Variants in NUDT3 observed in about 807,000 individuals in gnomAD.
NUDT3 encodes nudix hydrolase 3, also known as diphosphoinositol polyphosphate phosphohydrolase 1.
A neutral mutation model predicts 23.6 loss-of-function variants in NUDT3; 9 were observed. The observed-to-expected ratio is 0.38, with a 90% CI of 0.23 to 0.66. The LOEUF is 0.66. Among genes scored for constraint, NUDT3 ranks in the 30% least tolerant of loss-of-function variants. NUDT3 has a pLI of 0.52. For missense variants in NUDT3, 172 were observed against 218.5 expected (o/e 0.79, Z 1.34); for synonymous variants, 86 against 82.6 (o/e 1.04, Z -0.22).
At chr6:34,327,018 AC>A (rs1315491647) in intron 2 of NUDT3, among the ~76,000 whole-genome samples, 1 of 152,064 alleles carries the variant, frequency 6.6e-6, no homozygotes, top group Non-Finnish European at 1.5e-5. Flanking sequence ...GACTACTACC[AC>A]CAAGACGCGG....
chr6:34,310,604 G>A (rs943059810), intron 2 of NUDT3, among the ~76,000 whole-genome samples: 2 of 152,072 alleles, frequency 1.3e-5, no homozygotes, highest in Admixed American at 6.6e-5. Flanking sequence ...GCCCAGATGG[G>A]CCACTGGTGA....
intron 1 of NUDT3, among the ~76,000 whole-genome samples, chr6:34,377,816 G>C (rs1240848944): frequency 2.6e-4 from 38 of 146,412 alleles, no homozygotes; most frequent in Admixed American, 2.5e-3. Flanking sequence ...CTGGGTGACA[G>C]AGGGAGACTC....
rs955166373 is a variant in NUDT3 at position 34,281,965 on chromosome 6, G to A, written c.*6788C>T. On this transcript the variant is annotated 3_prime_UTR_variant, in exon 5 of 5. Coordinates refer to ENST00000607016, the MANE Select transcript of NUDT3 (RefSeq NM_006703.4). ...CCCTCCAAGTCTCCTTTTTACTTCA[G>A]CACTTTGGAAACTCTCCAAGACTTA... The A allele has an allele frequency of 2.0e-5, 3 of 152,136 alleles. No individual in the cohort carries two copies. Among genetic ancestry groups the A allele is most frequent in the Non-Finnish European group, 4.4e-5 (3 of 68,040 alleles). The allele number at this position is 152,136 out of a possible 1,614,324, so 9.4% of individuals were successfully genotyped here.
chr6:34,307,806 C>T (rs1377093222), intron 2 of NUDT3, among the ~76,000 whole-genome samples: 1 of 151,880 alleles, frequency 6.6e-6, no homozygotes, highest in Non-Finnish European at 1.5e-5. Context: ...CTTTAAACAT[C>T]AATGGTCTAA....
At chr6:34,315,458 C>T (rs942446007) in intron 2 of NUDT3, among the ~76,000 whole-genome samples, 31 of 152,312 alleles carry the variant, frequency 2.0e-4, no homozygotes, top group Middle Eastern at 3.4e-3. Flanking sequence ...TCTCAATCTG[C>T]TAAATGACAT....
At chr6:34,292,864 C>T (rs1763444793) in intron 4 of NUDT3, among the ~76,000 whole-genome samples, 1 of 152,168 alleles carries the variant, frequency 6.6e-6, no homozygotes, top group African/African-American at 2.4e-5. Context: ...AGAAGTATAG[C>T]CCTTTTGGCA....
At chr6:34,356,173 A>C (rs1022217973) in intron 1 of NUDT3, among the ~76,000 whole-genome samples, 16 of 152,200 alleles carry the variant, frequency 1.1e-4, no homozygotes, top group African/African-American at 3.9e-4. Context: ...GCCTGAGGTA[A>C]TAGGTACCCC....
intron 1 of NUDT3, among the ~76,000 whole-genome samples, chr6:34,359,412 T>C (rs1342927961): frequency 6.6e-6 from 1 of 152,040 alleles, no homozygotes; most frequent in Non-Finnish European, 1.5e-5. Flanking sequence ...CATACCTATT[T>C]AGCAGTTATT....
chr6:34,281,771 GC>G lies in NUDT3; in HGVS notation c.*6981del, dbSNP rs973649368. The G allele has an allele frequency of 2.6e-5, 4 of 152,200 alleles. No individual in the cohort carries two copies. Among genetic ancestry groups the G allele is most frequent in the Non-Finnish European group, 4.4e-5 (3 of 68,038 alleles). The allele number at this position is 152,200 out of a possible 1,614,324, so 9.4% of individuals were successfully genotyped here. ...TCAGAGGCTAAACAACATTCTGGGA[GC>G]AAATTGGATTTTTGAAGGGAGAGTC... On this transcript the variant is annotated 3_prime_UTR_variant, in exon 5 of 5. Transcript: ENST00000607016.
chr6:34,280,200 TC>T lies in NUDT3; in HGVS notation c.*8552del, dbSNP rs1369091161. The T allele has an allele frequency of 6.6e-6, 1 of 152,186 alleles. No homozygotes were observed. Among genetic ancestry groups the T allele is most frequent in the Non-Finnish European group, 1.5e-5 (1 of 68,050 alleles). The allele number at this position is 152,186 out of a possible 1,614,324, so 9.4% of individuals were successfully genotyped here. On this transcript the variant is annotated 3_prime_UTR_variant, in exon 5 of 5. Transcript: ENST00000607016. ...CCTTCCGCCTTCTCTGGACCAAATTTCACTCCCCTCAGCTCCAGAGAGTGCT... is the reference window on the plus strand; with the variant it reads ...CCTTCCGCCTTCTCTGGACCAAATTTACTCCCCTCAGCTCCAGAGAGTGCT...
At chr6:34,350,835 A>C (rs1764455651) in intron 1 of NUDT3, among the ~76,000 whole-genome samples, 1 of 150,734 alleles carries the variant, frequency 6.6e-6, no homozygotes, top group Non-Finnish European at 1.5e-5. Flanking sequence ...TTAATCAAAG[A>C]GGAAATTCCC....
At chr6:34,305,811 C>A (rs894236492) in intron 2 of NUDT3, among the ~76,000 whole-genome samples, 3 of 152,110 alleles carry the variant, frequency 2.0e-5, no homozygotes, top group Admixed American at 6.6e-5. Context: ...TGTTTCCAAA[C>A]CTGTGTTTCT....
At chr6:34,365,411 G>C (rs989249438) in intron 1 of NUDT3, among the ~76,000 whole-genome samples, 7 of 151,966 alleles carry the variant, frequency 4.6e-5, no homozygotes, top group African/African-American at 1.7e-4. Flanking sequence ...CCTGGCAACA[G>C]AGCAAGACTC....
At chr6:34,319,552 C>T (rs1051202765) in intron 2 of NUDT3, among the ~76,000 whole-genome samples, 4 of 152,200 alleles carry the variant, frequency 2.6e-5, no homozygotes, top group African/African-American at 4.8e-5. Context: ...GGAACCTCCA[C>T]GTGTTCAGTT....
At chr6:34,369,970 T>A (rs1158035598) in intron 1 of NUDT3, among the ~76,000 whole-genome samples, 1 of 152,186 alleles carries the variant, frequency 6.6e-6, no homozygotes, top group East Asian at 1.9e-4. Context: ...ATAATGTCTA[T>A]TACCTAAAAA....
At chr6:34,380,785 A>G (rs1245576524) in intron 1 of NUDT3, among the ~76,000 whole-genome samples, 1 of 152,154 alleles carries the variant, frequency 6.6e-6, no homozygotes, top group Non-Finnish European at 1.5e-5. Flanking sequence ...TTCTTTATCC[A>G]CAATACGTTA....
chr6:34,383,019 C>T (rs956337408), intron 1 of NUDT3, among the ~76,000 whole-genome samples: 18 of 150,680 alleles, frequency 1.2e-4, no homozygotes, highest in African/African-American at 3.9e-4. Context: ...CCCAGCTACT[C>T]GGGAGGCTGA....
At position 34,392,532 on chromosome 6, in the gene NUDT3, C is replaced by G; in HGVS notation, c.-170G>C. 2.2e-6 allele frequency: 1 copy of G among 459,352 alleles called. No individual in the cohort carries two copies. Among genetic ancestry groups the G allele is most frequent in the Non-Finnish European group, 3.8e-6 (1 of 260,982 alleles). 28.5% of individuals were successfully genotyped at this position (459,352 alleles called of 1,614,324 possible). On this transcript the variant is annotated 5_prime_UTR_variant, in exon 1 of 5. Transcript: ENST00000607016. ...TGGCCCGCCGCGGCCGCCTCATTCC[C>G]CCAGGCCCAGGTCCCGCGCCGCCGC...
chr6:34,388,720 C>A (rs1286006827), intron 1 of NUDT3, among the ~76,000 whole-genome samples: 9 of 152,204 alleles, frequency 5.9e-5, no homozygotes, highest in Admixed American at 5.9e-4. Context: ...TTCTCCATGA[C>A]ACAGCGCTGC....
Sources: gnomAD v4.1 joint callset for allele counts (sites outside exome capture counted in the v4.1 genomes callset) on GRCh38, gnomAD v4.1.1 for gene constraint, MANE v1.5 for transcripts, NCBI Gene and HGNC (gene_info 2026-07-23, HGNC 2026-07-21) for gene names.